MAGI2: variants seen among roughly 807,000 people sequenced by gnomAD.
MAGI2 encodes membrane-associated guanylate kinase, WW and PDZ domain-containing protein 2.
MAGI2 carries 35 observed loss-of-function variants against 133.3 expected under a neutral mutation model. The ratio of observed to expected loss-of-function variants is 0.26; its 90% CI spans 0.20 to 0.35. The LOEUF (loss-of-function observed/expected upper bound fraction) is 0.35, where lower values mean the gene tolerates loss of function less well. MAGI2 is among the 10% of genes least tolerant of loss of function. The pLI, the probability that MAGI2 is intolerant of heterozygous loss-of-function variation, is 1.00. For synonymous variants in MAGI2, 729 were observed against 710.6 expected (o/e 1.03, Z -0.41); for missense variants, 1,636 against 1,863.4 (o/e 0.88, Z 2.25).
At chr7:78,054,322 C>T (rs1357692068) in intron 21 of MAGI2, among the ~76,000 whole-genome samples, 3 of 152,058 alleles carry the variant, frequency 2.0e-5, no homozygotes, top group Non-Finnish European at 4.4e-5. Flanking sequence ...GATGGGGTTT[C>T]ACCATGTTGG....
chr7:78,912,290 A>G (rs1798454963), intron 2 of MAGI2, among the ~76,000 whole-genome samples: 2 of 152,186 alleles, frequency 1.3e-5, no homozygotes, highest in Admixed American at 1.3e-4. Flanking sequence ...AGGTATGTAC[A>G]AAGTATAGTG....
intron 2 of MAGI2, among the ~76,000 whole-genome samples, chr7:78,995,085 G>C (rs978810712): frequency 2.6e-5 from 4 of 151,986 alleles, no homozygotes; most frequent in African/African-American, 9.7e-5. Flanking sequence ...TTGCAGGGAT[G>C]TCCAATCTTT....
intron 1 of MAGI2, among the ~76,000 whole-genome samples, chr7:79,057,974 T>TC (rs397889415): frequency 1.3e-5 from 2 of 151,600 alleles, no homozygotes; most frequent in African/African-American, 4.8e-5. Context: ...TTTTTTTTTT[T>TC]AGTCACATAG....
intron 1 of MAGI2, among the ~76,000 whole-genome samples, chr7:79,194,096 A>G (rs913104735): frequency 3.3e-5 from 5 of 151,980 alleles, no homozygotes; most frequent in African/African-American, 1.2e-4. Context: ...AGAATCTCCT[A>G]CGAGTCATTT....
At chr7:78,731,679 AC>A (rs1342402022) in intron 2 of MAGI2, among the ~76,000 whole-genome samples, 10 of 152,284 alleles carry the variant, frequency 6.6e-5, no homozygotes, top group African/African-American at 2.4e-4. Flanking sequence ...ATAATGAAAT[AC>A]AAAAATCTTC....
chr7:79,390,417 T>C (rs775870137), intron 1 of MAGI2, among the ~76,000 whole-genome samples: 4 of 152,184 alleles, frequency 2.6e-5, no homozygotes, highest in Non-Finnish European at 5.9e-5. Flanking sequence ...AGAGTAAATA[T>C]TAAATAAAAC....
In MAGI2 at chr7:79,367,824, C is replaced by T. The variant is rs36077322; in HGVS notation, c.301+85196G>A. On this transcript the variant is annotated intron_variant, in intron 1 of 21. Coordinates refer to ENST00000354212, the MANE Select transcript of MAGI2 (RefSeq NM_012301.4). ...TTGGATGGATTTGGAATACTCTTCCCCATTAAGTCATATATATATGCTTAT... is the reference window on the plus strand; with the variant it reads ...TTGGATGGATTTGGAATACTCTTCCTCATTAAGTCATATATATATGCTTAT... Among the ~76,000 whole-genome samples the T allele has an allele frequency of 8.4e-3, 988 of 117,564 alleles. 13 individuals carry two copies. Among genetic ancestry groups the T allele is most frequent in the Non-Finnish European group, 0.013 (733 of 57,394 alleles). 77.1% of individuals were successfully genotyped at this position (117,564 alleles called of 152,430 possible).
At chr7:78,802,113 G>A (rs1426231010) in intron 2 of MAGI2, among the ~76,000 whole-genome samples, 3 of 152,084 alleles carry the variant, frequency 2.0e-5, no homozygotes, top group Middle Eastern at 3.2e-3. Flanking sequence ...GCTCTTTTCT[G>A]TACTCTTCTC....
intron 1 of MAGI2, among the ~76,000 whole-genome samples, chr7:79,175,405 A>T (rs545261726): frequency 6.6e-6 from 1 of 151,814 alleles, no homozygotes; most frequent in African/African-American, 2.4e-5. Flanking sequence ...CCCCCTTCCC[A>T]TCTTGCTTTA....
intron 2 of MAGI2, among the ~76,000 whole-genome samples, chr7:78,819,517 G>A (rs963652521): frequency 2.6e-5 from 4 of 151,872 alleles, no homozygotes; most frequent in African/African-American, 7.2e-5. Flanking sequence ...ATGCATTTTT[G>A]TTAGACGTCT....
intron 6 of MAGI2, chr7:78,485,254 A>T (rs529173074): frequency 1.3e-5 from 2 of 151,938 alleles, no homozygotes; most frequent in East Asian, 3.9e-4. Flanking sequence ...GCTAAACAGC[A>T]CTCCCCCAAA....
intron 14 of MAGI2, among the ~76,000 whole-genome samples, chr7:78,172,731 C>T (rs1826232952): frequency 6.6e-6 from 1 of 152,132 alleles, no homozygotes; most frequent in African/African-American, 2.4e-5. Flanking sequence ...TTTATGAGAC[C>T]TCCTTTAGTT....
chr7:78,347,370 G>C (rs1428243988), intron 7 of MAGI2: 1 of 152,212 alleles, frequency 6.6e-6, no homozygotes, highest in Non-Finnish European at 1.5e-5. Context: ...CGGGAGACAG[G>C]GTAAGGTAGC....
At chr7:78,723,721 T>A (rs1820487716) in intron 2 of MAGI2, among the ~76,000 whole-genome samples, 1 of 152,114 alleles carries the variant, frequency 6.6e-6, no homozygotes, top group Non-Finnish European at 1.5e-5. Flanking sequence ...GGGAAATTGA[T>A]TTGGATCAGG....
At position 78,195,057 on chromosome 7, in the gene MAGI2, C is replaced by T. The variant is rs200623830; in HGVS notation, c.2086G>A (p.Asp696Asn). 2 of 1,600,860 alleles carry T rather than the reference C, an allele frequency of 1.2e-6. No individual in the cohort carries two copies. The highest frequency in any genetic ancestry group is 1.7e-6 in the Non-Finnish European group (2 of 1,175,044). Residue 696 changes from aspartate to asparagine, a missense_variant, in exon 12 of 22, where the codon GAC becomes AAC. Physicochemically the swap from Asp to Asn is conservative, Grantham distance 23. Around this residue, in one of 5 missense-constraint regions of MAGI2, gnomAD observed 920 missense variants for 1,093.5 expected, o/e 0.84. Coordinates refer to ENST00000354212, the MANE Select transcript of MAGI2 (RefSeq NM_012301.4). Reference protein sequence around the residue: ...SPWKTPKPIMDRWENQGSPQT... With the variant: ...SPWKTPKPIMNRWENQGSPQT... ...GGACTGCCTTGATTCTCCCATCGGT[C>T]CATTATCTGAAAAGTGACAGAGGAC...
chr7:78,309,698 T>C (rs1468016701), intron 9 of MAGI2, among the ~76,000 whole-genome samples: 1 of 152,112 alleles, frequency 6.6e-6, no homozygotes, highest in Non-Finnish European at 1.5e-5. Context: ...TAAAAAATAA[T>C]TATTGAGGTC....
In MAGI2 at chr7:78,890,252, A is replaced by G. The variant is rs566206178; in HGVS notation, c.418+116838T>C. Among the ~76,000 whole-genome samples, 103 of 152,312 alleles carry G rather than the reference A, an allele frequency of 6.8e-4. 1 individual carries two copies. Among genetic ancestry groups the G allele is most frequent in the African/African-American group, 2.3e-3 (94 of 41,558 alleles). ...CAAGTCCTTAGAGACCTACAAAGAG[A>G]CTTAGACAACCACACAATAATAATG... On this transcript the variant is annotated intron_variant, in intron 2 of 21. Coordinates refer to ENST00000354212, the MANE Select transcript of MAGI2 (RefSeq NM_012301.4).
chr7:78,692,030 C>G (rs1014070525), intron 2 of MAGI2, among the ~76,000 whole-genome samples: 9 of 151,952 alleles, frequency 5.9e-5, no homozygotes, highest in African/African-American at 2.2e-4. Context: ...ACCTTCCTCT[C>G]AATCTTGCTG....
intron 1 of MAGI2, among the ~76,000 whole-genome samples, chr7:79,342,084 A>T (rs914410277): frequency 2.0e-5 from 3 of 152,142 alleles, no homozygotes; most frequent in African/African-American, 7.2e-5. Context: ...AGAACTCCAC[A>T]AGAGGGCATA....
Sources: gnomAD v4.1 joint callset for allele counts (sites outside exome capture counted in the v4.1 genomes callset) on GRCh38, gnomAD v4.1.1 for gene constraint, gnomAD v4.1.1 regional missense constraint, MANE v1.5 for transcripts, NCBI Gene and HGNC (gene_info 2026-07-23, HGNC 2026-07-21) for gene names.